KLRF1: variants seen among roughly 807,000 people sequenced by gnomAD.
KLRF1 encodes killer cell lectin like receptor F1.
A neutral mutation model predicts 30.7 loss-of-function variants in KLRF1; 27 were observed. The ratio of observed to expected loss-of-function variants is 0.88; its 90% CI spans 0.65 to 1.21. KLRF1 has a LOEUF of 1.21. Ranked by LOEUF, KLRF1 falls within the 50% of genes most tolerant of loss-of-function variation. The pLI is 0.00. For missense variants in KLRF1, 246 were observed against 259.3 expected (o/e 0.95, Z 0.35); for synonymous variants, 92 against 89.3 (o/e 1.03, Z -0.17).
In KLRF1 at chr12:9,844,574, C is replaced by T. The variant is rs753425293; in HGVS notation, c.*48C>T. ...AATAATCAATGATCACTATTTTTGG[C>T]CTATTAGTTTCTAATATTAATCTCC... On this transcript the variant is annotated 3_prime_UTR_variant, in exon 6 of 6. Transcript: ENST00000617889. The T allele has an allele frequency of 7.6e-6, 8 of 1,054,446 alleles. No individual in the cohort carries two copies. Among genetic ancestry groups the T allele is most frequent in the African/African-American group, 3.2e-5 (2 of 62,606 alleles). The allele number at this position is 1,054,446 out of a possible 1,614,324, so 65.3% of individuals were successfully genotyped here.
At chr12:9,842,264 C>T (rs1867719134) in intron 4 of KLRF1, 57 bp from the exon 5 acceptor site, 1 of 1,586,602 alleles carries the variant, frequency 6.3e-7, no homozygotes, top group African/African-American at 1.4e-5. Context: ...TTAAAATATT[C>T]AGTGTGTCTG....
the KLRF1 span, among the ~76,000 whole-genome samples, chr12:9,821,503 G>A: frequency 3.9e-5 from 6 of 152,134 alleles, no homozygotes; most frequent in Non-Finnish European, 8.8e-5. Flanking sequence ...AGAAACCCTG[G>A]TTTGGGCCCA....
chr12:9,839,455 A>T (rs1372835847), intron 3 of KLRF1, among the ~76,000 whole-genome samples: 4 of 152,118 alleles, frequency 2.6e-5, no homozygotes, highest in Admixed American at 6.6e-5. Context: ...AATGGAAAAG[A>T]CAACACACCA....
At chr12:9,805,436 G>A in the KLRF1 span, among the ~76,000 whole-genome samples, 1 of 151,912 alleles carries the variant, frequency 6.6e-6, no homozygotes, top group African/African-American at 2.4e-5. Flanking sequence ...AATCATGAGA[G>A]CAGAGCCCTT....
intron 3 of KLRF1, among the ~76,000 whole-genome samples, chr12:9,837,818 T>C (rs79324440): frequency 0.016 from 2,368 of 152,200 alleles, 56 homozygotes; most frequent in African/African-American, 0.054. Context: ...TCATAGAAAC[T>C]CATGAAAAAC....
At chr12:9,806,006 A>G in the KLRF1 span, among the ~76,000 whole-genome samples, 10,519 of 151,588 alleles carry the variant, frequency 0.069, 470 homozygotes, top group East Asian at 0.2. Flanking sequence ...ATTGATTTCT[A>G]TTCTCTATTT....
At position 9,844,480 on chromosome 12, in the gene KLRF1, T is replaced by C. The variant is rs753510990; in HGVS notation, c.650T>C (p.Phe217Ser). The change falls in exon 6 of 6, where the codon TTC becomes TCC. Residue 217 changes from phenylalanine (F) to serine (S), a missense_variant. Phe to Ser is a radical substitution (Grantham distance 155). Transcript: ENST00000617889. ...GCTGCCATTAAGGAAAGCAAAATTT[T>C]CTCTGAAACCTGCAGCAGTGTTTTC... ...SCAAIKESKI[F>S]SETCSSVFKW... 15 of 1,610,850 alleles carry C rather than the reference T, an allele frequency of 9.3e-6. No homozygotes were observed. Among genetic ancestry groups the C allele is most frequent in the Admixed American group, 3.3e-5 (2 of 59,898 alleles).
chr12:9,819,502 A>G, the KLRF1 span, among the ~76,000 whole-genome samples: 1 of 152,030 alleles, frequency 6.6e-6, no homozygotes, highest in African/African-American at 2.4e-5. Flanking sequence ...AAGCCCCCAA[A>G]ATAGCACAGC....
upstream of KLRF1, among the ~76,000 whole-genome samples, chr12:9,826,214 C>G (rs115905440): frequency 0.011 from 1,708 of 152,172 alleles, 29 homozygotes; most frequent in African/African-American, 0.039. Context: ...TATTTCTTCA[C>G]CCAGGTATTA....
the KLRF1 span, among the ~76,000 whole-genome samples, chr12:9,809,680 G>A: frequency 6.6e-6 from 1 of 151,846 alleles, no homozygotes; most frequent in Non-Finnish European, 1.5e-5. Flanking sequence ...TATGTCATGA[G>A]ATTTTGTGTA....
chr12:9,814,106 A>G, the KLRF1 span, among the ~76,000 whole-genome samples: 129 of 152,230 alleles, frequency 8.5e-4, no homozygotes, highest in African/African-American at 2.8e-3. Flanking sequence ...GATTGGTGCC[A>G]GCCGTGTGGC....
At chr12:9,830,164 G>GT (rs888682760) in intron 1 of KLRF1, among the ~76,000 whole-genome samples, 10 of 151,466 alleles carry the variant, frequency 6.6e-5, no homozygotes, top group East Asian at 1.9e-4. Context: ...CTTTTTGTTT[G>GT]TTTTTTTTGG....
chr12:9,818,692 A>G, the KLRF1 span, among the ~76,000 whole-genome samples: 8 of 152,230 alleles, frequency 5.3e-5, no homozygotes, highest in African/African-American at 1.9e-4. Context: ...GTCCATGCCA[A>G]AATGAAAATG....
chr12:9,809,099 G>A, the KLRF1 span, among the ~76,000 whole-genome samples: 111 of 152,068 alleles, frequency 7.3e-4, 1 homozygote, highest in Admixed American at 4.7e-3. Flanking sequence ...CTGCATTTCG[G>A]AGAAAATTGA....
intron 3 of KLRF1, among the ~76,000 whole-genome samples, chr12:9,835,186 A>G (rs755599567): frequency 6.6e-6 from 1 of 152,224 alleles, no homozygotes; most frequent in African/African-American, 2.4e-5. Context: ...AGTAAGGAAA[A>G]CTAGTGTGCA....
At chr12:9,810,108 G>T in the KLRF1 span, among the ~76,000 whole-genome samples, 1 of 152,084 alleles carries the variant, frequency 6.6e-6, no homozygotes, top group South Asian at 2.1e-4. Flanking sequence ...AAGCTTGAGG[G>T]TTTTTATCTA....
chr12:9,808,738 A>G, the KLRF1 span, among the ~76,000 whole-genome samples: 19,613 of 152,108 alleles, frequency 0.13, 1,575 homozygotes, highest in African/African-American at 0.22. Context: ...GTAAATATCC[A>G]TATGTGTAAT....
chr12:9,804,450 A>G, the KLRF1 span, among the ~76,000 whole-genome samples: 44 of 152,110 alleles, frequency 2.9e-4, 1 homozygote, highest in African/African-American at 9.9e-4. Flanking sequence ...AGGAAGTTCA[A>G]TTTATCTGTT....
intron 5 of KLRF1, among the ~76,000 whole-genome samples, chr12:9,843,469 C>CATTAAATATTACATATTTTCT (rs1241023560): frequency 1.3e-5 from 2 of 152,082 alleles, no homozygotes; most frequent in African/African-American, 4.8e-5. Flanking sequence ...TTCTATTCAT[C>CATTAAATATTACATATTTTCT]ATTAAATATT....
Sources: allele counts gnomAD v4.1 joint callset (sites outside exome capture counted in the v4.1 genomes callset), GRCh38; gene constraint gnomAD v4.1.1; transcripts MANE v1.5; gene names NCBI Gene and HGNC (gene_info 2026-07-23, HGNC 2026-07-21).